Variants in LARGE1 observed in about 807,000 individuals in gnomAD.
The protein encoded by LARGE1 is LARGE xylosyl- and glucuronyltransferase 1.
Under a neutral mutation model 87.6 loss-of-function variants are expected in LARGE1, and 43 were observed. The ratio of observed to expected loss-of-function variants is 0.49; its 90% confidence interval spans 0.38 to 0.63. The LOEUF (loss-of-function observed/expected upper bound fraction) is 0.63. Among genes scored for constraint, LARGE1 ranks in the 30% least tolerant of loss-of-function variants. The pLI is 0.00. For synonymous variants in LARGE1, 434 were observed against 394.6 expected (o/e 1.10, Z -1.18); for missense variants, 802 against 1,000.2 (o/e 0.80, Z 2.67).
At chr22:33,853,990 C>T (rs972980920) in intron 1 of LARGE1, among the ~76,000 whole-genome samples, 1 of 152,102 alleles carries the variant, frequency 6.6e-6, no homozygotes, top group Non-Finnish European at 1.5e-5. Context: ...TGGGCAGGCT[C>T]GTGGCCAGCC....
intron 2 of LARGE1, among the ~76,000 whole-genome samples, chr22:33,669,189 C>G (rs772613088): frequency 6.6e-6 from 1 of 152,226 alleles, no homozygotes; most frequent in Non-Finnish European, 1.5e-5. Flanking sequence ...CTTCAATTAA[C>G]TGGGAACATA....
At chr22:33,195,899 C>T (rs1319898828) in intron 11 of LARGE1, among the ~76,000 whole-genome samples, 5 of 151,300 alleles carry the variant, frequency 3.3e-5, no homozygotes, top group African/African-American at 4.8e-5. Context: ...GGACTACAGG[C>T]GCCCGCCACC....
intron 3 of LARGE1, among the ~76,000 whole-genome samples, chr22:33,647,424 T>A (rs1208040167): frequency 6.6e-6 from 1 of 152,208 alleles, no homozygotes; most frequent in Non-Finnish European, 1.5e-5. Context: ...AAGTGGTATG[T>A]CCCACCTTAA....
intron 1 of LARGE1, among the ~76,000 whole-genome samples, chr22:33,918,352 G>C (rs1569034038): frequency 6.6e-6 from 1 of 152,098 alleles, no homozygotes. Context: ...CTCCTGCCAG[G>C]GGGATTTGAT....
exon 12 of LARGE1, chr22:33,164,222 T>A (rs1257046374): frequency 6.6e-6 from 1 of 152,206 alleles, no homozygotes; most frequent in Non-Finnish European, 1.5e-5. Flanking sequence ...ATTGATCTCC[T>A]GCTGTCGATG....
At chr22:33,454,136 G>A (rs912610667) in intron 6 of LARGE1, among the ~76,000 whole-genome samples, 3 of 152,182 alleles carry the variant, frequency 2.0e-5, no homozygotes, top group South Asian at 2.1e-4. Context: ...GAGCTATGTC[G>A]GTCATGAAAC....
At chr22:33,647,300 T>C (rs918239699) in intron 3 of LARGE1, among the ~76,000 whole-genome samples, 4 of 152,228 alleles carry the variant, frequency 2.6e-5, no homozygotes, top group African/African-American at 9.6e-5. Flanking sequence ...AATCTATCTG[T>C]TCCAGGCTCT....
chr22:33,758,728 AAC>A (rs530286377), intron 2 of LARGE1, among the ~76,000 whole-genome samples: 17 of 152,160 alleles, frequency 1.1e-4, no homozygotes, highest in Non-Finnish European at 1.9e-4. Context: ...TCTAACCATA[AAC>A]ACAGACAGTT....
chr22:33,670,257 A>C lies in LARGE1; in HGVS notation c.107-19589T>G, dbSNP rs918843006. Among the ~76,000 whole-genome samples, 5 of 152,210 alleles carry C rather than the reference A, an allele frequency of 3.3e-5. No individual in the cohort carries two copies. In the East Asian group the frequency reaches 9.7e-4, roughly 30 times the overall value. The stretch of plus-strand genomic sequence containing the variant: ...AATCACTATAAAGCCTAGTAGAAGA[A>C]AAAAGATAAAATCACACTGCAAAGA... On this transcript the variant is annotated intron_variant, in intron 2 of 14. Coordinates refer to ENST00000397394, the MANE Select transcript of LARGE1 (RefSeq NM_133642.5).
chr22:33,912,106 G>A (rs1381292476), intron 1 of LARGE1, among the ~76,000 whole-genome samples: 1 of 152,152 alleles, frequency 6.6e-6, no homozygotes, highest in African/African-American at 2.4e-5. Flanking sequence ...CTTGGCTTCT[G>A]AAACAACCAC....
intron 1 of LARGE1, among the ~76,000 whole-genome samples, chr22:33,879,885 C>T (rs1356928124): frequency 6.6e-6 from 1 of 152,222 alleles, no homozygotes; most frequent in Non-Finnish European, 1.5e-5. Flanking sequence ...CAGTAAGCAT[C>T]TGCTGATTAA....
rs193258953 is a variant in LARGE1 at position 33,847,860 on chromosome 22, C to T, written c.-83+72135G>A. On this transcript the variant is annotated intron_variant, in intron 1 of 14. Coordinates refer to ENST00000397394, the MANE Select transcript of LARGE1 (RefSeq NM_133642.5). ...TCTACTGCCTTAACTCGCTCATTCA[C>T]GCTTTCTCCTCCCTCCAAATAGCTT... Among the ~76,000 whole-genome samples the T allele has an allele frequency of 4.5e-4, 68 of 152,356 alleles. 1 individual carries two copies. Among genetic ancestry groups the T allele is most frequent in the Middle Eastern group, 3.4e-3 (1 of 294 alleles).
chr22:33,134,143 A>G, the LARGE1 span, among the ~76,000 whole-genome samples: 1 of 152,226 alleles, frequency 6.6e-6, no homozygotes, highest in Admixed American at 6.5e-5. Flanking sequence ...CCCGTAAACC[A>G]GCAAACCAAA....
At chr22:33,240,094 T>C (rs1022039632) in intron 11 of LARGE1, among the ~76,000 whole-genome samples, 1 of 152,208 alleles carries the variant, frequency 6.6e-6, no homozygotes, top group Non-Finnish European at 1.5e-5. Flanking sequence ...ATAATGGTTG[T>C]ATAAATTTTA....
intron 11 of LARGE1, among the ~76,000 whole-genome samples, chr22:33,188,509 T>C (rs1294174994): frequency 6.6e-6 from 1 of 152,158 alleles, no homozygotes; most frequent in East Asian, 1.9e-4. Context: ...GCATGACTCA[T>C]ATCATCCTCA....
chr22:33,811,837 C>T (rs568686008), intron 1 of LARGE1, among the ~76,000 whole-genome samples: 1 of 152,298 alleles, frequency 6.6e-6, no homozygotes, highest in African/African-American at 2.4e-5. Flanking sequence ...AAGGAGGAGG[C>T]CGGAGCATCA....
At chr22:33,866,888 G>A (rs941830210) in intron 1 of LARGE1, among the ~76,000 whole-genome samples, 6 of 152,082 alleles carry the variant, frequency 3.9e-5, no homozygotes, top group Non-Finnish European at 8.8e-5. Flanking sequence ...ACATAGAAAT[G>A]AACAAAGGCC....
chr22:33,293,253 T>A (rs1484884190), intron 12 of LARGE1, among the ~76,000 whole-genome samples: 1 of 152,240 alleles, frequency 6.6e-6, no homozygotes, highest in Non-Finnish European at 1.5e-5. Flanking sequence ...GGTTGATAAA[T>A]TATAATAAAT....
intron 9 of LARGE1, among the ~76,000 whole-genome samples, chr22:33,342,526 T>C (rs1243601016): frequency 1.3e-5 from 2 of 152,164 alleles, no homozygotes; most frequent in African/African-American, 4.8e-5. Context: ...AGCCCAAACC[T>C]GAGGTTCTTA....
Sources: allele counts gnomAD v4.1 joint callset (sites outside exome capture counted in the v4.1 genomes callset), GRCh38; gene constraint gnomAD v4.1.1; transcripts MANE v1.5; gene names NCBI Gene and HGNC (gene_info 2026-07-23, HGNC 2026-07-21).